The following ITGB1 variants were observed in gnomAD, a reference collection of about 807,000 sequenced individuals.
ITGB1 encodes integrin beta-1.
Under a neutral mutation model 86.5 loss-of-function variants are expected in ITGB1, and 24 were observed. The observed-to-expected ratio is 0.28, with a 90% confidence interval of 0.20 to 0.39. The LOEUF is 0.39. ITGB1 is among the 10% of genes least tolerant of loss of function. The probability of loss-of-function intolerance (pLI) is 1.00; values close to 1 mark genes in which losing one functional copy is unlikely to be tolerated. For synonymous variants in ITGB1, 323 were observed against 316.8 expected, an observed-to-expected ratio of 1.02 and a Z score of -0.21; for missense variants, 556 against 946.9, an observed-to-expected ratio of 0.59 and a Z score of 5.42.
intron 11 of ITGB1, among the ~76,000 whole-genome samples, chr10:32,915,381 G>A (rs2094928266): frequency 6.6e-6 from 1 of 152,162 alleles, no homozygotes; most frequent in Admixed American, 6.5e-5. Flanking sequence ...CCAGGAGCTG[G>A]TTTTTTGAAA....
rs142540762 is a variant in ITGB1 at position 32,952,346 on chromosome 10, T to C, written c.-1+5799A>G. 9.6e-3 allele frequency among the ~76,000 whole-genome samples: 1,462 copies of C among 152,344 alleles called. 12 individuals are homozygous for C. Among genetic ancestry groups the C allele is most frequent in the Middle Eastern group, 0.031 (9 of 294 alleles). ...AATGTTTCTCAATCTTTTTAATCCA[T>C]GCTTCTTTAATAAGCATAAATCTTA... On this transcript the variant is annotated intron_variant, in intron 1 of 15. Coordinates refer to ENST00000302278, the MANE Select transcript of ITGB1 (RefSeq NM_002211.4).
chr10:32,929,223 G>A (rs148499132), intron 4 of ITGB1, among the ~76,000 whole-genome samples: 1 of 148,260 alleles, frequency 6.7e-6, no homozygotes, highest in Non-Finnish European at 1.5e-5. Flanking sequence ...TCCTGACAAG[G>A]GTCCCCTGGG....
intron 6 of ITGB1, 61 bp from the exon 7 acceptor site, chr10:32,923,801 T>C (rs1261100085): frequency 1.5e-6 from 2 of 1,365,446 alleles, no homozygotes; most frequent in Non-Finnish European, 2.0e-6. Context: ...CAAAAATCCT[T>C]TAATTTTCAT....
chr10:32,917,352 T>TA (rs1215835722), intron 11 of ITGB1, among the ~76,000 whole-genome samples: 1 of 152,120 alleles, frequency 6.6e-6, no homozygotes, highest in Non-Finnish European at 1.5e-5. Flanking sequence ...GGGATCTAAT[T>TA]AAACTAAAGA....
chr10:32,935,403 G>T, intron 2 of ITGB1, 89 bp downstream of exon 2: 1 of 775,212 alleles, frequency 1.3e-6, no homozygotes, highest in South Asian at 1.5e-5. Context: ...GCATGATTAT[G>T]ACTTAGGTTC....
intron 11 of ITGB1, among the ~76,000 whole-genome samples, chr10:32,914,579 TA>T (rs1421777195): frequency 2.6e-5 from 4 of 152,076 alleles, no homozygotes; most frequent in Non-Finnish European, 5.9e-5. Flanking sequence ...CGCCATTACA[TA>T]ATGGTAAAGG....
intron 2 of ITGB1, chr10:32,932,829 T>A (rs911599271): frequency 8.0e-6 from 3 of 376,028 alleles, no homozygotes; most frequent in Non-Finnish European, 1.5e-5. Context: ...GATATTTTGA[T>A]ACAGGCATAC....
intron 1 of ITGB1, among the ~76,000 whole-genome samples, chr10:32,952,222 T>C (rs991070707): frequency 6.6e-6 from 1 of 152,206 alleles, no homozygotes; most frequent in African/African-American, 2.4e-5. Context: ...TTCTAGGTGG[T>C]CAGCAGCTCA....
At chr10:32,929,799 T>C (rs770243619) in intron 4 of ITGB1, 23 bp downstream of exon 4, 2 of 1,331,528 alleles carry the variant, frequency 1.5e-6, no homozygotes, top group Non-Finnish European at 2.2e-6. Flanking sequence ...CACGCAGGTA[T>C]TCACAGAGTT....
chr10:32,952,937 G>A (rs1160210759), intron 1 of ITGB1, among the ~76,000 whole-genome samples: 1 of 152,082 alleles, frequency 6.6e-6, no homozygotes, highest in Non-Finnish European at 1.5e-5. Context: ...TCATGTCTGT[G>A]TCTCTCATCA....
intron 6 of ITGB1, 53 bp from the exon 7 acceptor site, chr10:32,923,793 A>C: frequency 2.0e-6 from 3 of 1,473,322 alleles, no homozygotes. Flanking sequence ...TAATTCAACA[A>C]AAATCCTTTA....
intron 1 of ITGB1, chr10:32,944,427 T>C (rs546139331): frequency 1.8e-4 from 56 of 318,528 alleles, no homozygotes; most frequent in African/African-American, 1.0e-3. Flanking sequence ...GCCGTGATCA[T>C]GGGGGCCCTG....
intron 1 of ITGB1, among the ~76,000 whole-genome samples, chr10:32,946,756 G>T (rs552583108): frequency 2.2e-4 from 24 of 106,950 alleles, no homozygotes; most frequent in Non-Finnish European, 3.5e-4. Flanking sequence ...TTCTGGGGGG[G>T]GGGGGGGGAT....
chr10:32,936,738 G>A (rs1046561726), intron 1 of ITGB1, among the ~76,000 whole-genome samples: 20 of 152,138 alleles, frequency 1.3e-4, no homozygotes, highest in Admixed American at 2.6e-4. Context: ...TACGGCCACT[G>A]GTTGCTGACT....
intron 13 of ITGB1, 64 bp from the exon 14 acceptor site, chr10:32,910,519 C>A (rs2094910017): frequency 1.8e-6 from 2 of 1,117,804 alleles, no homozygotes; most frequent in Non-Finnish European, 2.6e-6. Flanking sequence ...TTTGCTTAAA[C>A]ATATTTCCCA....
rs1464106223 is a variant in ITGB1 at position 32,958,164 on chromosome 10, G to C, written c.-20C>G. 1 of 151,278 alleles carries C rather than the reference G, an allele frequency of 6.6e-6. No homozygotes were observed. The highest frequency in any genetic ancestry group is 1.5e-5 in the Non-Finnish European group (1 of 67,722). The allele number at this position is 151,278 out of a possible 1,614,324, so 9.4% of individuals were successfully genotyped here. A position where few individuals can be genotyped will look rare whatever the true frequency, so the allele number is the denominator to read the frequency against. On this transcript the variant is annotated 5_prime_UTR_variant, in exon 1 of 16. Transcript: ENST00000302278. ...CCCTACCTTTTCCGCGCGGCGTCCG[G>C]GGCCCGGCGCGGTGGGCTCGGGCCT...
At chr10:32,955,506 A>C (rs1409412167) in intron 1 of ITGB1, 2 of 152,240 alleles carry the variant, frequency 1.3e-5, no homozygotes, top group African/African-American at 4.8e-5. Flanking sequence ...GCAGCTACAG[A>C]ATATTAATGA....
chr10:32,951,523 A>T (rs984732745), intron 1 of ITGB1, among the ~76,000 whole-genome samples: 1 of 152,116 alleles, frequency 6.6e-6, no homozygotes. Context: ...TTAACTCAAG[A>T]CTTCAGAGGA....
chr10:32,932,716 T>C, intron 2 of ITGB1, 116 bp from the exon 3 acceptor site: 1 of 629,416 alleles, frequency 1.6e-6, no homozygotes, highest in Non-Finnish European at 2.8e-6. Flanking sequence ...TACTATGACC[T>C]AGTTACCATC....
Sources: gnomAD v4.1 joint callset for allele counts (sites outside exome capture counted in the v4.1 genomes callset) on GRCh38, gnomAD v4.1.1 for gene constraint, MANE v1.5 for transcripts, NCBI Gene and HGNC (gene_info 2026-07-23, HGNC 2026-07-21) for gene names.